EHBP1: variants seen among roughly 807,000 people sequenced by gnomAD.
EHBP1 encodes EH domain-binding protein 1.
Under a neutral mutation model 144.0 loss-of-function variants are expected in EHBP1, and 55 were observed. That is an observed-to-expected ratio of 0.38 (90% CI 0.31 to 0.48). The LOEUF (loss-of-function observed/expected upper bound fraction) is 0.48, where lower values mean the gene tolerates loss of function less well. Ranked by LOEUF, EHBP1 falls within the 20% of genes least tolerant of loss-of-function variation. The pLI, the probability that EHBP1 is intolerant of heterozygous loss-of-function variation, is 0.98. For synonymous variants in EHBP1, 469 were observed against 472.7 expected (o/e 0.99, Z 0.10); for missense variants, 1,200 against 1,364.2 (o/e 0.88, Z 1.90).
intron 10 of EHBP1, among the ~76,000 whole-genome samples, chr2:62,890,238 A>G (rs928268617): frequency 2.0e-5 from 3 of 152,086 alleles, no homozygotes; most frequent in Non-Finnish European, 4.4e-5. Flanking sequence ...GCCTAGCCCC[A>G]TATGAAATTT....
At chr2:62,782,283 A>G (rs1468063696) in intron 5 of EHBP1, among the ~76,000 whole-genome samples, 1 of 152,254 alleles carries the variant, frequency 6.6e-6, no homozygotes, top group African/African-American at 2.4e-5. Context: ...TGATAGCTGA[A>G]AAGTACAATA....
chr2:62,899,520 A>G (rs1315118206), intron 10 of EHBP1, among the ~76,000 whole-genome samples: 2 of 152,154 alleles, frequency 1.3e-5, no homozygotes, highest in African/African-American at 4.8e-5. Context: ...TCTTGCCAGA[A>G]ATTTTTAGGT....
intron 19 of EHBP1, among the ~76,000 whole-genome samples, chr2:63,026,294 T>TTGTGTGTGTGTGTG (rs60109170): frequency 3.2e-4 from 41 of 129,024 alleles, no homozygotes; most frequent in East Asian, 9.5e-4. Context: ...GCTCTCTACC[T>TTGTGTGTGTGTGTG]TGTGTGTGTG....
chr2:62,902,873 AGTTT>A (rs1400856546), intron 10 of EHBP1, among the ~76,000 whole-genome samples: 1 of 152,202 alleles, frequency 6.6e-6, no homozygotes, highest in African/African-American at 2.4e-5. Flanking sequence ...AAAAGATATT[AGTTT>A]GTTATATAGA....
intron 14 of EHBP1, among the ~76,000 whole-genome samples, chr2:62,974,656 G>C (rs1297889355): frequency 6.6e-6 from 1 of 152,130 alleles, no homozygotes; most frequent in Non-Finnish European, 1.5e-5. Context: ...ATATCTAAAG[G>C]TTGAGTGGAT....
At chr2:63,044,944 G>C in intron 21 of EHBP1, 122 bp from the exon 22 acceptor site, 1 of 684,122 alleles carries the variant, frequency 1.5e-6, no homozygotes, top group Middle Eastern at 2.5e-4. Context: ...ACACTAGCTA[G>C]TGGCTCTATA....
intron 9 of EHBP1, among the ~76,000 whole-genome samples, chr2:62,873,969 G>GT (rs1351546376): frequency 6.6e-6 from 1 of 152,090 alleles, no homozygotes; most frequent in Non-Finnish European, 1.5e-5. Context: ...ACAAGAAAAC[G>GT]TAACAGAGCT....
intron 19 of EHBP1, among the ~76,000 whole-genome samples, chr2:63,023,150 G>A (rs916046417): frequency 3.9e-5 from 6 of 152,092 alleles, no homozygotes; most frequent in Non-Finnish European, 7.4e-5. Flanking sequence ...ACTCCAGCCT[G>A]GACAACATAG....
intron 2 of EHBP1, among the ~76,000 whole-genome samples, chr2:62,735,781 T>C (rs1347992709): frequency 6.6e-6 from 1 of 152,172 alleles, no homozygotes; most frequent in Non-Finnish European, 1.5e-5. Context: ...GAAGGATAAT[T>C]TCAAAGGGTA....
At chr2:62,898,753 G>GGAAGGAAGGAAAAGAGA (rs1262118000) in intron 10 of EHBP1, among the ~76,000 whole-genome samples, 1 of 152,078 alleles carries the variant, frequency 6.6e-6, no homozygotes, top group African/African-American at 2.4e-5. Context: ...AGGGAGAGAA[G>GGAAGGAAGGAAAAGAGA]GAAGGAAGGA....
chr2:62,940,230 T>A, intron 10 of EHBP1: 1 of 320,112 alleles, frequency 3.1e-6, no homozygotes, highest in Non-Finnish European at 6.3e-6. Context: ...GTTAAATAGA[T>A]TTATTCGGTC....
At chr2:63,044,555 T>C (rs190426030) in intron 21 of EHBP1, 1 of 152,450 alleles carries the variant, frequency 6.6e-6, no homozygotes, top group East Asian at 1.9e-4. Context: ...GTGAGATACA[T>C]CCAACTGCTA....
rs1445035888 is a variant in EHBP1 at position 62,900,682 on chromosome 2, G to GTATATATATATATA, written c.1185+26151_1185+26152insATATATATATATAT. Among the ~76,000 whole-genome samples, 226 of 144,462 alleles carry GTATATATATATATA rather than the reference G, an allele frequency of 1.6e-3. 10 individuals carry two copies. Among genetic ancestry groups the GTATATATATATATA allele is most frequent in the Middle Eastern group, 0.014 (4 of 280 alleles). The allele number at this position is 144,462 out of a possible 152,430, so 94.8% of individuals were successfully genotyped here. A position where few individuals can be genotyped will look rare whatever the true frequency, so the allele number is the denominator to read the frequency against. ...TTGTTTTTTGTGGGTGTGTGTGTAT[G>GTATATATATATATA]TGTATATATATATATATATATTTTC... On this transcript the variant is annotated intron_variant, in intron 10 of 22. Coordinates refer to ENST00000431489, the MANE Select transcript of EHBP1 (RefSeq NM_001142616.3).
At chr2:63,031,098 C>T (rs948743889) in intron 19 of EHBP1, among the ~76,000 whole-genome samples, 1 of 151,716 alleles carries the variant, frequency 6.6e-6, no homozygotes, top group Non-Finnish European at 1.5e-5. Flanking sequence ...CGCCCAGCTT[C>T]CACTCCCACT....
At chr2:62,868,182 G>A (rs758676104) in intron 9 of EHBP1, among the ~76,000 whole-genome samples, 15 of 152,044 alleles carry the variant, frequency 9.9e-5, no homozygotes, top group East Asian at 7.8e-4. Flanking sequence ...CAAGACCAGC[G>A]TGGCCAACAT....
chr2:62,904,637 T>G lies in EHBP1; in HGVS notation c.1185+30105T>G, dbSNP rs576779263. Among the ~76,000 whole-genome samples, 359 of 152,258 alleles carry G rather than the reference T, an allele frequency of 2.4e-3. 3 individuals carry two copies. Among genetic ancestry groups the G allele is most frequent in the African/African-American group, 8.5e-3 (352 of 41,556 alleles). On this transcript the variant is annotated intron_variant, in intron 10 of 22. Coordinates refer to ENST00000431489, the MANE Select transcript of EHBP1 (RefSeq NM_001142616.3). ...TGTGGAACAGGAGCCCTGCCAGGTG[T>G]GGGGGTACCCCTGGAGGACTGGGGG...
intron 2 of EHBP1, among the ~76,000 whole-genome samples, chr2:62,746,266 TTTTG>T (rs965186837): frequency 3.9e-5 from 6 of 152,078 alleles, no homozygotes; most frequent in African/African-American, 1.2e-4. Flanking sequence ...AAGGTGTTTT[TTTTG>T]TTTTTCTTTT....
chr2:62,788,717 A>G (rs181529340), intron 5 of EHBP1, among the ~76,000 whole-genome samples: 2 of 152,148 alleles, frequency 1.3e-5, no homozygotes, highest in African/African-American at 2.4e-5. Context: ...CCTGTTTCTG[A>G]AGGTTTGCCA....
intron 7 of EHBP1, among the ~76,000 whole-genome samples, chr2:62,854,418 C>T (rs1197319797): frequency 6.6e-6 from 1 of 152,232 alleles, no homozygotes; most frequent in Non-Finnish European, 1.5e-5. Context: ...TTGGTTTAGA[C>T]ATGACTTCCT....
Sources: gnomAD v4.1 joint callset for allele counts (sites outside exome capture counted in the v4.1 genomes callset) on GRCh38, gnomAD v4.1.1 for gene constraint, MANE v1.5 for transcripts, NCBI Gene and HGNC (gene_info 2026-07-23, HGNC 2026-07-21) for gene names.